NOSTRIN: variants seen among roughly 807,000 people sequenced by gnomAD.
NOSTRIN encodes nitric oxide synthase trafficking.
A neutral mutation model predicts 59.0 loss-of-function variants in NOSTRIN; 63 were observed. That is an observed-to-expected ratio of 1.07 (90% CI 0.87 to 1.32). The LOEUF is 1.32. NOSTRIN is among the 40% of genes most tolerant of loss of function. The pLI is 0.00. For missense variants in NOSTRIN, 512 were observed against 473.1 expected, an observed-to-expected ratio of 1.08 and a Z score of -0.76; for synonymous variants, 200 against 165.4, an observed-to-expected ratio of 1.21 and a Z score of -1.61.
intron 1 of NOSTRIN, chr2:168,786,836 G>T (rs57492979): frequency 0.043 from 6,554 of 152,030 alleles, 592 homozygotes; most frequent in East Asian, 0.41. Flanking sequence ...ATTCTTCCCT[G>T]CCTCCCCCCT....
At chr2:168,831,411 C>T (rs2105651425) in intron 5 of NOSTRIN, 61 bp from the exon 6 acceptor site, 1 of 823,976 alleles carries the variant, frequency 1.2e-6, no homozygotes. Flanking sequence ...AACATTTAGT[C>T]TATTACAGCA....
intron 12 of NOSTRIN, among the ~76,000 whole-genome samples, chr2:168,858,014 AC>A (rs1422667714): frequency 6.6e-6 from 1 of 152,196 alleles, no homozygotes; most frequent in Non-Finnish European, 1.5e-5. Context: ...ACCTGCAATG[AC>A]CCGTGGCTAC....
At chr2:168,794,734 GT>G (rs1420726481), upstream of NOSTRIN, among the ~76,000 whole-genome samples, 2 of 152,050 alleles carry the variant, frequency 1.3e-5, no homozygotes, top group Non-Finnish European at 2.9e-5. Flanking sequence ...AGTCTCAGGG[GT>G]GTAAAATGGC....
chr2:168,825,218 T>G (rs1686993867), intron 3 of NOSTRIN, among the ~76,000 whole-genome samples: 1 of 152,202 alleles, frequency 6.6e-6, no homozygotes, highest in Non-Finnish European at 1.5e-5. Flanking sequence ...TTAATCCTCA[T>G]AAGAACCCTT....
chr2:168,812,200 T>C (rs968405672), intron 2 of NOSTRIN: 2 of 152,186 alleles, frequency 1.3e-5, no homozygotes, highest in African/African-American at 4.8e-5. Flanking sequence ...AAGAAAGTTA[T>C]GAAAGCCCTG....
intron 2 of NOSTRIN, among the ~76,000 whole-genome samples, chr2:168,815,323 A>G (rs1392802380): frequency 6.6e-6 from 1 of 152,262 alleles, no homozygotes; most frequent in South Asian, 2.1e-4. Context: ...AGCAGCTCCT[A>G]GAATGCCTAA....
upstream of NOSTRIN, among the ~76,000 whole-genome samples, chr2:168,797,084 T>TTTTC (rs1685502221): frequency 6.3e-5 from 2 of 31,756 alleles, no homozygotes; most frequent in African/African-American, 2.1e-4. Context: ...TTTTTCTTTT[T>TTTTC]TTTTTTTTTT....
At chr2:168,852,685 G>C (rs1264126453) in intron 10 of NOSTRIN, among the ~76,000 whole-genome samples, 2 of 152,290 alleles carry the variant, frequency 1.3e-5, no homozygotes, top group East Asian at 3.9e-4. Flanking sequence ...CAGGCAACAA[G>C]ACGGTAGAAG....
chr2:168,811,227 C>T (rs1197928528), intron 1 of NOSTRIN: 1 of 159,342 alleles, frequency 6.3e-6, no homozygotes, highest in Non-Finnish European at 1.4e-5. Flanking sequence ...TACGTGGTGT[C>T]CTTCAGAATG....
upstream of NOSTRIN, chr2:168,802,598 C>A: frequency 1.2e-6 from 1 of 859,924 alleles, no homozygotes; most frequent in South Asian, 1.4e-5. Flanking sequence ...TTACAGTGTC[C>A]AGAATGCTGG....
chr2:168,811,504 A>G (rs1686131702), intron 1 of NOSTRIN, 63 bp from the exon 2 acceptor site: 2 of 638,290 alleles, frequency 3.1e-6, no homozygotes, highest in Middle Eastern at 3.6e-4. Context: ...TAGGTGCTCT[A>G]TCTTCGGAGT....
rs551638556 is a variant in NOSTRIN, at chr2:168,865,450, C to T, written c.*480C>T. 9.4e-4 allele frequency: 146 copies of T among 154,552 alleles called. No individual in the cohort carries two copies. The highest frequency in any genetic ancestry group is 1.7e-3 in the Non-Finnish European group (121 of 69,584). 9.6% of individuals were successfully genotyped at this position (154,552 alleles called of 1,614,324 possible). On this transcript the variant is annotated 3_prime_UTR_variant, in exon 16 of 16. Coordinates refer to ENST00000317647, the MANE Select transcript of NOSTRIN (RefSeq NM_001039724.4). ...CAAGAAGAGAGACAGGCAATCAAGACACCAATGAGATCAACCCAAATTAGG... is the reference window on the plus strand; with the variant it reads ...CAAGAAGAGAGACAGGCAATCAAGATACCAATGAGATCAACCCAAATTAGG...
chr2:168,862,620 G>C (rs1689535847), intron 15 of NOSTRIN, among the ~76,000 whole-genome samples: 1 of 152,166 alleles, frequency 6.6e-6, no homozygotes, highest in Non-Finnish European at 1.5e-5. Flanking sequence ...TCTCAGAAAA[G>C]CTTTTTACAG....
chr2:168,825,256 A>C (rs1230001450), intron 3 of NOSTRIN, among the ~76,000 whole-genome samples: 4 of 152,208 alleles, frequency 2.6e-5, no homozygotes, highest in African/African-American at 7.2e-5. Context: ...CTGTTTACAG[A>C]TAAGGACTTG....
At chr2:168,823,124 C>A (rs1559114349) in intron 2 of NOSTRIN, among the ~76,000 whole-genome samples, 2 of 152,216 alleles carry the variant, frequency 1.3e-5, no homozygotes, top group Non-Finnish European at 2.9e-5. Context: ...TCAAGAGATT[C>A]TCCTGCCTCA....
chr2:168,829,263 T>TTCCC (rs1378238165), intron 5 of NOSTRIN, among the ~76,000 whole-genome samples: 2 of 151,964 alleles, frequency 1.3e-5, no homozygotes, highest in African/African-American at 2.4e-5. Flanking sequence ...CTTTCTTTCC[T>TTCCC]TCCCTCCCTC....
chr2:168,832,195 G>T (rs1053892571), intron 6 of NOSTRIN, among the ~76,000 whole-genome samples: 2 of 141,454 alleles, frequency 1.4e-5, no homozygotes, highest in African/African-American at 5.4e-5. Context: ...TTAAAATTTA[G>T]TTGGCTAGAT....
At position 168,828,471 on chromosome 2, in the gene NOSTRIN, C is replaced by G; in HGVS notation, c.312C>G (p.Val104=). ...ELEAIKPTYQ[V]LNVQEKKRKS... Reference sequence around the variant, plus strand: ...AAGCAATAAAACCGACTTATCAAGTCCTAAATGTACAAGAGAAGAAGAGAA... The same window carrying G: ...AAGCAATAAAACCGACTTATCAAGTGCTAAATGTACAAGAGAAGAAGAGAA... Residue 104 remains valine (V), a synonymous_variant, in exon 5 of 16, where the codon GTC becomes GTG. Coordinates refer to ENST00000317647, the MANE Select transcript of NOSTRIN (RefSeq NM_001039724.4). 1.1e-6 allele frequency: 1 copy of G among 871,588 alleles called. No individual in the cohort carries two copies. Among genetic ancestry groups the G allele is most frequent in the South Asian group, 1.3e-5 (1 of 75,986 alleles). The allele number at this position is 871,588 out of a possible 1,614,324, so 54.0% of individuals were successfully genotyped here.
chr2:168,838,490 T>C (rs916456861), intron 7 of NOSTRIN, among the ~76,000 whole-genome samples: 2 of 152,236 alleles, frequency 1.3e-5, no homozygotes, highest in Admixed American at 6.5e-5. Context: ...TCCGCCCGCC[T>C]TGGCCTCCCA....
Sources: allele counts gnomAD v4.1 joint callset (sites outside exome capture counted in the v4.1 genomes callset), GRCh38; gene constraint gnomAD v4.1.1; transcripts MANE v1.5; gene names NCBI Gene and HGNC (gene_info 2026-07-23, HGNC 2026-07-21).